CRY2: variants seen among roughly 807,000 people sequenced by gnomAD.
CRY2 encodes cryptochrome circadian regulator 2, also known as cryptochrome-2.
A neutral mutation model predicts 69.5 loss-of-function variants in CRY2; 31 were observed. The observed-to-expected ratio is 0.45, with a 90% CI of 0.34 to 0.60. The LOEUF (loss-of-function observed/expected upper bound fraction) is 0.60, where lower values mean the gene tolerates loss of function less well. CRY2 is among the 20% of genes least tolerant of loss of function. The probability of loss-of-function intolerance (pLI) is 0.02; values close to 1 mark genes in which losing one functional copy is unlikely to be tolerated. For synonymous variants in CRY2, 303 were observed against 312.2 expected, an observed-to-expected ratio of 0.97 and a Z score of 0.31; for missense variants, 606 against 797.8, an observed-to-expected ratio of 0.76 and a Z score of 2.90.
chr11:45,847,193 G>C, upstream of CRY2: 3 of 1,549,504 alleles, frequency 1.9e-6, no homozygotes, highest in Admixed American at 2.0e-5. Flanking sequence ...GCCTACTCCC[G>C]GCACTCCGCG....
At chr11:45,869,976 T>TG (rs1420634482) in intron 7 of CRY2, 77 bp from the exon 8 acceptor site, 1 of 1,530,204 alleles carries the variant, frequency 6.5e-7, no homozygotes, top group East Asian at 2.3e-5. Context: ...TTTTGGCTCC[T>TG]GGGGGCACTG....
Position 45,869,620 on chromosome 11 carries a change from A to G in CRY2, c.997A>G (p.Ile333Val). 2 of 1,614,252 alleles carry G rather than the reference A, an allele frequency of 1.2e-6. No individual in the cohort carries two copies. The highest frequency in any genetic ancestry group is 1.1e-5 in the South Asian group (1 of 91,090). Residue 333 changes from isoleucine (I) to valine (V), a missense_variant, in exon 7 of 12, where the codon ATC becomes GTC. Coordinates refer to ENST00000616080, the MANE Select transcript of CRY2 (RefSeq NM_021117.5). ...PRFDRMEGNP[I>V]CIQIPWDRNP... Reference sequence around the variant, plus strand: ...GTTTGACCGCATGGAGGGGAACCCCATCTGCATCCAGATCCCCTGGGACCG... The same window carrying G: ...GTTTGACCGCATGGAGGGGAACCCCGTCTGCATCCAGATCCCCTGGGACCG...
At chr11:45,862,862 C>T (rs1164502936) in intron 5 of CRY2, among the ~76,000 whole-genome samples, 1 of 152,206 alleles carries the variant, frequency 6.6e-6, no homozygotes, top group Non-Finnish European at 1.5e-5. Context: ...ACAAAGTCCT[C>T]ACTCCCCTGC....
intron 11 of CRY2, among the ~76,000 whole-genome samples, chr11:45,874,350 A>C (rs1425091660): frequency 6.6e-6 from 1 of 152,096 alleles, no homozygotes; most frequent in Admixed American, 6.5e-5. Context: ...TAGCTCAATT[A>C]CTGTGGCTAA....
intron 10 of CRY2, among the ~76,000 whole-genome samples, chr11:45,871,419 C>T (rs573078745): frequency 2.0e-5 from 3 of 152,112 alleles, no homozygotes; most frequent in South Asian, 2.1e-4. Flanking sequence ...GCCTGATGTC[C>T]GAGACGAGGA....
chr11:45,866,803 C>T (rs1167494643), intron 5 of CRY2, among the ~76,000 whole-genome samples: 4 of 152,026 alleles, frequency 2.6e-5, no homozygotes, highest in Non-Finnish European at 2.9e-5. Context: ...GGAAATAGGC[C>T]GGGCACAGTG....
rs564930842 is a variant in CRY2, at chr11:45,879,373, G to A, written c.*3-1541G>A. On this transcript the variant is annotated intron_variant, in intron 11 of 11. Coordinates refer to ENST00000616080, the MANE Select transcript of CRY2 (RefSeq NM_021117.5). ...TTTACCATGCGGCCTTAAAAGCATC[G>A]CATGATACTGAATCCTTGTCTCCAA... Among the ~76,000 whole-genome samples, 31 of 152,290 alleles carry A rather than the reference G, an allele frequency of 2.0e-4. No homozygotes were observed. In the East Asian group the frequency reaches 2.3e-3, roughly 11 times the overall value.
Position 45,870,320 on chromosome 11 carries a change from C to T in CRY2, c.1347-10C>T, listed in dbSNP as rs1236025939. The T allele has an allele frequency of 9.3e-6, 15 of 1,614,152 alleles. No individual in the cohort carries two copies. In the South Asian group the frequency reaches 1.4e-4, roughly 15 times the overall value. On this transcript the variant is annotated splice_polypyrimidine_tract_variant and intron_variant, in intron 8 of 11. Coordinates refer to ENST00000616080, the MANE Select transcript of CRY2 (RefSeq NM_021117.5). ...TATGCTGATGGGTCATCTGGTGTATCTTATTTCAGGCGATACCTGCCCAAA... is the reference window on the plus strand; with the variant it reads ...TATGCTGATGGGTCATCTGGTGTATTTTATTTCAGGCGATACCTGCCCAAA...
At chr11:45,854,985 A>G (rs1565056576) in intron 1 of CRY2, among the ~76,000 whole-genome samples, 1 of 152,236 alleles carries the variant, frequency 6.6e-6, no homozygotes, top group Non-Finnish European at 1.5e-5. Flanking sequence ...CCTTTCTACT[A>G]TGTACCACTT....
intron 2 of CRY2, among the ~76,000 whole-genome samples, chr11:45,856,522 C>T (rs565150745): frequency 5.3e-5 from 8 of 152,306 alleles, no homozygotes; most frequent in African/African-American, 1.4e-4. Context: ...TTCTGCCGGG[C>T]GAGGTGGCTC....
chr11:45,870,571 A>G, intron 9 of CRY2, 39 bp downstream of exon 9: 1 of 1,606,396 alleles, frequency 6.2e-7, no homozygotes, highest in Non-Finnish European at 8.5e-7. Context: ...AGGGAAGGAC[A>G]GCACCTACAG....
chr11:45,882,263 AGT>A lies in CRY2; in HGVS notation c.*1368_*1369del, dbSNP rs3061865. ...CCTGTGGCCTGCACTTGAGCCACAAAGTGTGTGTGTGTGTGTGCGTGTGTGGT... is the reference window on the plus strand; with the variant it reads ...CCTGTGGCCTGCACTTGAGCCACAAAGTGTGTGTGTGTGTGCGTGTGTGGT... On this transcript the variant is annotated 3_prime_UTR_variant, in exon 12 of 12. Transcript: ENST00000616080. The A allele has an allele frequency of 4.1e-3, 761 of 187,370 alleles. No homozygotes were observed. Among genetic ancestry groups the A allele is most frequent in the Middle Eastern group, 0.012 (6 of 494 alleles). The allele number at this position is 187,370 out of a possible 1,614,324, so 11.6% of individuals were successfully genotyped here. A position where few individuals can be genotyped will look rare whatever the true frequency, so the allele number is the denominator to read the frequency against.
Position 45,870,181 on chromosome 11 carries a change from G to A in CRY2, c.1323G>A (p.Thr441=), listed in dbSNP as rs779030840. Residue 441 remains threonine (T), a synonymous_variant, in exon 8 of 12, where the codon ACG becomes ACA. Coordinates refer to ENST00000616080, the MANE Select transcript of CRY2 (RefSeq NM_021117.5). ...GCCCTGTGGGCTTTGGCCGTCGCAC[G>A]GACCCCAGTGGGGACTACATCAGGT... is the stretch of plus-strand genomic sequence containing the variant. The part of the protein sequence containing the change: ...CYCPVGFGRR[T]DPSGDYIRRY... 2.7e-5 allele frequency: 44 copies of A among 1,612,718 alleles called. No homozygotes were observed. The highest frequency in any genetic ancestry group is 8.3e-5 in the Admixed American group (5 of 59,954).
chr11:45,872,438 T>C (rs1481095342), intron 11 of CRY2, among the ~76,000 whole-genome samples: 2 of 152,074 alleles, frequency 1.3e-5, no homozygotes, highest in Non-Finnish European at 2.9e-5. Context: ...CTGGTTGATA[T>C]CTGTGTGACC....
chr11:45,854,456 G>A (rs2086223724), intron 1 of CRY2, among the ~76,000 whole-genome samples: 1 of 152,158 alleles, frequency 6.6e-6, no homozygotes, highest in Non-Finnish European at 1.5e-5. Flanking sequence ...GGCTGAGGAG[G>A]GCGGATCACT....
rs563766869 is a variant in CRY2, at chr11:45,861,945, G to A, written c.653-115G>A. The A allele has an allele frequency of 4.9e-5, 42 of 860,072 alleles. No homozygotes were observed. In the South Asian group the frequency reaches 5.9e-4, roughly 12 times the overall value. 53.3% of individuals were successfully genotyped at this position (860,072 alleles called of 1,614,324 possible). On this transcript the variant is annotated intron_variant, in intron 4 of 11. Coordinates refer to ENST00000616080, the MANE Select transcript of CRY2 (RefSeq NM_021117.5). Reference sequence around the variant, plus strand: ...AACTTTAAGGATTATCTAACCCCCAGTAGCACCGAGACACTGTGGTTCAAT... The same window carrying A: ...AACTTTAAGGATTATCTAACCCCCAATAGCACCGAGACACTGTGGTTCAAT...
At chr11:45,859,154 G>A (rs896297757) in intron 3 of CRY2, among the ~76,000 whole-genome samples, 7 of 152,042 alleles carry the variant, frequency 4.6e-5, no homozygotes, top group African/African-American at 9.7e-5. Flanking sequence ...TAGTATGCCC[G>A]AGTCCCACCT....
chr11:45,850,197 T>G (rs2086186962), intron 1 of CRY2, among the ~76,000 whole-genome samples: 1 of 151,826 alleles, frequency 6.6e-6, no homozygotes, highest in East Asian at 1.9e-4. Flanking sequence ...TTTGTAGAGA[T>G]GGGGTTTCAC....
chr11:45,859,766 C>T (rs1441412148), intron 3 of CRY2, among the ~76,000 whole-genome samples: 1 of 152,042 alleles, frequency 6.6e-6, no homozygotes, highest in African/African-American at 2.4e-5. Flanking sequence ...AGAGCTGTCA[C>T]CCTCCTGCTG....
Sources: gnomAD v4.1 joint callset for allele counts (sites outside exome capture counted in the v4.1 genomes callset) on GRCh38, gnomAD v4.1.1 for gene constraint, MANE v1.5 for transcripts, NCBI Gene and HGNC (gene_info 2026-07-23, HGNC 2026-07-21) for gene names.